The following SCP2 variants were observed in gnomAD, a reference collection of about 807,000 sequenced individuals.
SCP2 encodes the protein sterol carrier protein 2, also known as SCP-2/3-oxoacyl-CoA thiolase.
A neutral mutation model predicts 71.4 loss-of-function variants in SCP2; 48 were observed. The ratio of observed to expected loss-of-function variants is 0.67; its 90% CI spans 0.53 to 0.86. The LOEUF (loss-of-function observed/expected upper bound fraction) is 0.86, where lower values mean the gene tolerates loss of function less well. SCP2 is among the 40% of genes least tolerant of loss of function. The pLI is 0.00. For synonymous variants in SCP2, 220 were observed against 218.1 expected (o/e 1.01, Z -0.08); for missense variants, 560 against 655.6 (o/e 0.85, Z 1.59).
chr1:52,953,522 A>G (rs1011989327), intron 4 of SCP2, among the ~76,000 whole-genome samples: 5 of 151,834 alleles, frequency 3.3e-5, no homozygotes, highest in African/African-American at 1.2e-4. Context: ...ATTTTTGTAT[A>G]TTTTGTAGAG....
chr1:52,961,923 C>A (rs1656497906), intron 6 of SCP2, among the ~76,000 whole-genome samples: 1 of 151,942 alleles, frequency 6.6e-6, no homozygotes. Flanking sequence ...TTTTTCCAAG[C>A]TGAGGGTTTC....
intron 11 of SCP2, among the ~76,000 whole-genome samples, chr1:53,008,410 A>G (rs1660770745): frequency 6.6e-6 from 1 of 152,210 alleles, no homozygotes; most frequent in Non-Finnish European, 1.5e-5. Flanking sequence ...ATCCAGCAAC[A>G]CATCAAAAAG....
At chr1:52,963,634 T>C (rs1205955718) in intron 6 of SCP2, 1 of 152,174 alleles carries the variant, frequency 6.6e-6, no homozygotes, top group African/African-American at 2.4e-5. Flanking sequence ...GCGCAGCCCT[T>C]TCTCCCAGTA....
chr1:53,025,886 T>C (rs1404709351), intron 12 of SCP2, among the ~76,000 whole-genome samples: 1 of 152,224 alleles, frequency 6.6e-6, no homozygotes, highest in Non-Finnish European at 1.5e-5. Flanking sequence ...GCCTGCATCA[T>C]CATTTGGCCT....
chr1:53,017,743 C>CA (rs1295494502), intron 12 of SCP2, among the ~76,000 whole-genome samples: 1 of 152,128 alleles, frequency 6.6e-6, no homozygotes, highest in Admixed American at 6.5e-5. Context: ...ATAATGATTA[C>CA]AACTGTATGC....
At chr1:53,022,034 A>G (rs1402698138) in intron 12 of SCP2, among the ~76,000 whole-genome samples, 1 of 152,142 alleles carries the variant, frequency 6.6e-6, no homozygotes, top group Non-Finnish European at 1.5e-5. Context: ...GTGTACGTTC[A>G]GTGGTTTTTA....
chr1:52,976,003 A>T (rs141105572), intron 7 of SCP2, among the ~76,000 whole-genome samples: 27 of 152,316 alleles, frequency 1.8e-4, no homozygotes, highest in African/African-American at 6.0e-4. Context: ...AACTTACAGA[A>T]CTCAGGAAAG....
At chr1:53,032,835 A>G (rs1410713877) in intron 13 of SCP2, among the ~76,000 whole-genome samples, 3 of 152,176 alleles carry the variant, frequency 2.0e-5, no homozygotes, top group Admixed American at 6.5e-5. Context: ...TTAATGAGCT[A>G]ATACTAATGT....
Position 52,978,295 on chromosome 1 carries a change from T to C in SCP2, c.753T>C (p.Ala251=). The C allele has an allele frequency of 6.2e-7, 1 of 1,614,166 alleles. No homozygotes were observed. Among genetic ancestry groups the C allele is most frequent in the African/African-American group, 1.3e-5 (1 of 75,048 alleles). ...AGAAGTATGGCCTGCAATCCAAAGC[T>C]GTGGAAATTTTGGCACAAGAAATGA... ...FVQKYGLQSK[A]VEILAQEMMT... is the part of the protein sequence containing the mutation. Residue 251 remains alanine (A), a synonymous_variant, in exon 9 of 16, where the codon GCT becomes GCC. Transcript: ENST00000371514.
Position 52,995,128 on chromosome 1 carries a change from C to T in SCP2, c.1081+6992C>T, listed in dbSNP as rs76263475. On this transcript the variant is annotated intron_variant, in intron 11 of 15. Transcript: ENST00000371514. ...CTGTGACTGCCTGCAGGGCTTGCAG[C>T]TGACCCACTCAATGGGCTCTGGAAT... is the stretch of plus-strand genomic sequence containing the variant. 2.1e-3 allele frequency: 1,035 copies of T among 497,270 alleles called. 10 individuals are homozygous for T. The highest frequency in any genetic ancestry group is 0.016 in the African/African-American group (805 of 51,080). 30.8% of individuals were successfully genotyped at this position (497,270 alleles called of 1,614,324 possible).
intron 5 of SCP2, among the ~76,000 whole-genome samples, chr1:52,956,766 AT>A (rs1345925305): frequency 2.6e-5 from 4 of 152,222 alleles, no homozygotes; most frequent in African/African-American, 9.6e-5. Flanking sequence ...AAAAATATGT[AT>A]TTTTTTCAGC....
intron 1 of SCP2, among the ~76,000 whole-genome samples, chr1:52,932,108 A>G (rs182762278): frequency 1.3e-5 from 2 of 152,192 alleles, no homozygotes; most frequent in Non-Finnish European, 2.9e-5. Flanking sequence ...AAAAGATCCA[A>G]TATCTAGTTA....
At chr1:53,044,032 G>A (rs1663615344) in intron 14 of SCP2, among the ~76,000 whole-genome samples, 1 of 151,868 alleles carries the variant, frequency 6.6e-6, no homozygotes, top group Non-Finnish European at 1.5e-5. Context: ...TAATACTATA[G>A]GCATACTATG....
intron 11 of SCP2, among the ~76,000 whole-genome samples, chr1:53,009,750 T>C (rs946346348): frequency 6.6e-6 from 1 of 152,104 alleles, no homozygotes; most frequent in Non-Finnish European, 1.5e-5. Context: ...CCAAAAGCAA[T>C]GGCAACAAAA....
At chr1:52,989,501 A>G (rs536752316) in intron 11 of SCP2, among the ~76,000 whole-genome samples, 2 of 151,732 alleles carry the variant, frequency 1.3e-5, no homozygotes, top group African/African-American at 4.9e-5. Flanking sequence ...TACAGCTTGC[A>G]GTCATGGTGA....
Position 53,005,765 on chromosome 1 carries a change from C to T in SCP2, c.1082-9125C>T, listed in dbSNP as rs147938968. Among the ~76,000 whole-genome samples the T allele has an allele frequency of 7.3e-4, 111 of 152,224 alleles. 1 individual carries two copies. The highest frequency in any genetic ancestry group is 1.1e-3 in the Admixed American group (17 of 15,292). ...TCACCAGCAATGGAACAAATTTGGA[C>T]GCAGAGTGACTTTGATGAGTTGAGA... On this transcript the variant is annotated intron_variant, in intron 11 of 15. Coordinates refer to ENST00000371514, the MANE Select transcript of SCP2 (RefSeq NM_002979.5).
At position 52,948,090 on chromosome 1, in the gene SCP2, A is replaced by G. The variant is rs748132909; in HGVS notation, c.199+10A>G. 13 of 1,580,670 alleles carry G rather than the reference A, an allele frequency of 8.2e-6. No homozygotes were observed. Among genetic ancestry groups the G allele is most frequent in the Non-Finnish European group, 9.6e-6 (11 of 1,149,654 alleles). ...GTTGGCTATGTTTTTGGTATGTATT[A>G]AACTGTGTATTCTAAAATTTTTTTA... On this transcript the variant is annotated intron_variant, in intron 3 of 15. Coordinates refer to ENST00000371514, the MANE Select transcript of SCP2 (RefSeq NM_002979.5).
chr1:52,939,788 G>A (rs1290080009), intron 1 of SCP2, among the ~76,000 whole-genome samples: 1 of 152,054 alleles, frequency 6.6e-6, no homozygotes, highest in East Asian at 1.9e-4. Context: ...TCCTGTCTCA[G>A]CCTCCCGAGT....
intron 4 of SCP2, among the ~76,000 whole-genome samples, chr1:52,953,583 C>T (rs907904527): frequency 2.0e-5 from 3 of 151,994 alleles, no homozygotes; most frequent in African/African-American, 4.8e-5. Context: ...TGGTCTCAAG[C>T]GATACATCTG....
Sources: gnomAD v4.1 joint callset for allele counts (sites outside exome capture counted in the v4.1 genomes callset) on GRCh38, gnomAD v4.1.1 for gene constraint, MANE v1.5 for transcripts, NCBI Gene and HGNC (gene_info 2026-07-23, HGNC 2026-07-21) for gene names.